HERPUD2: variants seen among roughly 807,000 people sequenced by gnomAD.
HERPUD2 encodes homocysteine-responsive endoplasmic reticulum-resident ubiquitin-like domain member 2 protein.
HERPUD2 carries 13 observed loss-of-function variants against 49.9 expected under a neutral mutation model. The ratio of observed to expected loss-of-function variants is 0.26; its 90% confidence interval spans 0.17 to 0.41. The LOEUF (loss-of-function observed/expected upper bound fraction) is 0.41. Ranked by LOEUF, HERPUD2 falls within the 10% of genes least tolerant of loss-of-function variation. HERPUD2 has a pLI of 1.00. For missense variants in HERPUD2, 449 were observed against 492.2 expected (o/e 0.91, Z 0.83); for synonymous variants, 172 against 171.4 (o/e 1.00, Z -0.03).
In HERPUD2 at chr7:35,633,637, T is replaced by G; in HGVS notation, c.*53A>C. 1 of 1,544,430 alleles carries G rather than the reference T, an allele frequency of 6.5e-7. No individual in the cohort carries two copies. Among genetic ancestry groups the G allele is most frequent in the Non-Finnish European group, 8.8e-7 (1 of 1,140,276 alleles). On this transcript the variant is annotated 3_prime_UTR_variant, in exon 9 of 9. Coordinates refer to ENST00000311350, the MANE Select transcript of HERPUD2 (RefSeq NM_022373.5). Reference sequence around the variant, plus strand: ...ATTTTTTTGAAATTGCACTGTTATTTAAACCACTTTCCTGAAGTCAGACCC... The same window carrying G: ...ATTTTTTTGAAATTGCACTGTTATTGAAACCACTTTCCTGAAGTCAGACCC...
intron 2 of HERPUD2, among the ~76,000 whole-genome samples, chr7:35,680,599 C>T (rs1785861131): frequency 6.6e-6 from 1 of 152,190 alleles, no homozygotes; most frequent in African/African-American, 2.4e-5. Context: ...CTGACATTCA[C>T]TTAGCTCCCA....
At chr7:35,644,088 G>A (rs1785010362) in intron 5 of HERPUD2, among the ~76,000 whole-genome samples, 1 of 151,816 alleles carries the variant, frequency 6.6e-6, no homozygotes, top group Admixed American at 6.6e-5. Context: ...AATTCATTAG[G>A]GACTAGGATG....
Position 35,660,511 on chromosome 7 carries a change from C to T in HERPUD2, c.494+6923G>A, listed in dbSNP as rs181019362. On this transcript the variant is annotated intron_variant, in intron 5 of 8. Transcript: ENST00000311350. ...TCCCACCAACAGTGTAAAAGCATTC[C>T]TATTTCTCCACATCCTCTCCAGCAC... Among the ~76,000 whole-genome samples, 73 of 152,318 alleles carry T rather than the reference C, an allele frequency of 4.8e-4. 1 individual carries two copies. In the East Asian group the frequency reaches 0.013, roughly 28 times the overall value.
chr7:35,651,403 C>A (rs953742904), intron 5 of HERPUD2, among the ~76,000 whole-genome samples: 4 of 152,108 alleles, frequency 2.6e-5, no homozygotes, highest in Non-Finnish European at 4.4e-5. Flanking sequence ...ACACCCCTGT[C>A]CCCAGCAAAA....
intron 5 of HERPUD2, among the ~76,000 whole-genome samples, chr7:35,650,745 C>T (rs565878345): frequency 3.9e-4 from 60 of 152,208 alleles, no homozygotes; most frequent in African/African-American, 1.2e-3. Context: ...CAAAGTGTAC[C>T]CCCCCACCAA....
At chr7:35,643,929 T>C (rs1209860976) in intron 5 of HERPUD2, among the ~76,000 whole-genome samples, 3 of 151,160 alleles carry the variant, frequency 2.0e-5, no homozygotes, top group Admixed American at 6.6e-5. Flanking sequence ...CTATCCCTAG[T>C]AGGGTAACTA....
chr7:35,677,428 C>T (rs1272486621), intron 2 of HERPUD2, among the ~76,000 whole-genome samples: 1 of 152,128 alleles, frequency 6.6e-6, no homozygotes, highest in Non-Finnish European at 1.5e-5. Flanking sequence ...TCATATTATT[C>T]TATTTATCTC....
At chr7:35,666,152 T>G (rs1431888243) in intron 5 of HERPUD2, among the ~76,000 whole-genome samples, 2 of 152,214 alleles carry the variant, frequency 1.3e-5, no homozygotes, top group Non-Finnish European at 2.9e-5. Context: ...TTCCATAATA[T>G]AAACCCTGAG....
intron 5 of HERPUD2, among the ~76,000 whole-genome samples, chr7:35,645,082 A>C (rs1174052790): frequency 6.6e-6 from 1 of 152,228 alleles, no homozygotes; most frequent in Non-Finnish European, 1.5e-5. Flanking sequence ...CTAGATGAAC[A>C]ATGGTAGTTT....
intron 2 of HERPUD2, among the ~76,000 whole-genome samples, chr7:35,675,886 C>T (rs570726090): frequency 1.3e-5 from 2 of 152,174 alleles, no homozygotes; most frequent in Non-Finnish European, 2.9e-5. Flanking sequence ...GTAATCCTCC[C>T]GCCTCAGCCT....
chr7:35,674,453 A>T (rs1785716517), intron 2 of HERPUD2, among the ~76,000 whole-genome samples: 1 of 119,314 alleles, frequency 8.4e-6, no homozygotes, highest in Admixed American at 9.3e-5. Flanking sequence ...AGAGAGAGAG[A>T]GAGAGAGAGA....
chr7:35,634,847 G>A (rs1784844674), intron 7 of HERPUD2, among the ~76,000 whole-genome samples: 1 of 152,164 alleles, frequency 6.6e-6, no homozygotes, highest in Non-Finnish European at 1.5e-5. Context: ...CCTTATGCAG[G>A]AGTGCATCAT....
chr7:35,642,382 A>G (rs137987849), intron 5 of HERPUD2, among the ~76,000 whole-genome samples: 12,395 of 152,238 alleles, frequency 0.081, 712 homozygotes, highest in South Asian at 0.21. Flanking sequence ...TAGTTCAACC[A>G]TTGTGGAAAG....
intron 5 of HERPUD2, among the ~76,000 whole-genome samples, chr7:35,665,840 T>G (rs1372298894): frequency 6.6e-6 from 1 of 152,264 alleles, no homozygotes; most frequent in Non-Finnish European, 1.5e-5. Flanking sequence ...AGAGAAATTA[T>G]TAATCTTTTA....
At position 35,686,736 on chromosome 7, in the gene HERPUD2, A is replaced by AC. The variant is rs1417101618; in HGVS notation, c.147+7447_147+7448insG. Among the ~76,000 whole-genome samples the AC allele has an allele frequency of 5.7e-5, 6 of 105,404 alleles. 1 individual carries two copies. The highest frequency in any genetic ancestry group is 2.0e-4 in the African/African-American group (5 of 24,752). 69.1% of individuals were successfully genotyped at this position (105,404 alleles called of 152,430 possible). ...TCCGTCTCAAAAAAAAAAAAAAAAA[A>AC]AAAAAAAAACCAAACCCATTTCCAG... On this transcript the variant is annotated intron_variant, in intron 2 of 8. Transcript: ENST00000311350.
rs1320497343 is a variant in HERPUD2 at position 35,694,311 on chromosome 7, T to G, written c.20A>C (p.Glu7Ala). Residue 7 changes from glutamate to alanine, a missense_variant, in exon 2 of 9, where the codon GAG (glutamate) becomes GCG (alanine). Transcript: ENST00000311350. ...TTTAATGATGAGGGTCACAGGAATC[T>G]CCATCCCACTTTGGTCCATGGTGCC... MDQSGM[E>A]IPVTLIIKAP... is the part of the protein sequence containing the mutation. 11 of 1,614,018 alleles carry G rather than the reference T, an allele frequency of 6.8e-6. No homozygotes were observed. Among genetic ancestry groups the G allele is most frequent in the Non-Finnish European group, 9.3e-6 (11 of 1,180,004 alleles).
intron 5 of HERPUD2, among the ~76,000 whole-genome samples, chr7:35,664,340 A>C (rs1253720655): frequency 6.6e-6 from 1 of 151,948 alleles, no homozygotes; most frequent in African/African-American, 2.4e-5. Flanking sequence ...CTTCATTTCA[A>C]CTTTGGTGAA....
intron 2 of HERPUD2, among the ~76,000 whole-genome samples, chr7:35,674,450 GA>G (rs1562682891): frequency 7.3e-5 from 9 of 123,728 alleles, no homozygotes; most frequent in African/African-American, 2.1e-4. Flanking sequence ...GAGAGAGAGA[GA>G]GAGAGAGAGA....
chr7:35,634,421 G>C lies in HERPUD2; in HGVS notation c.950C>G (p.Ala317Gly), dbSNP rs1418550458. The change falls in exon 8 of 9, where the codon GCT becomes GGT. Residue 317 changes from alanine to glycine, a missense_variant. Transcript: ENST00000311350. Reference protein sequence around the residue: ...GAMLLVYLHQAGWFPFRQEGG... With the variant: ...GAMLLVYLHQGGWFPFRQEGG... ...TTCTTGCCTAAAAGGAAACCATCCA[G>C]CTTGGTGTCTGTTCAGTAAAATAAA... The C allele has an allele frequency of 2.5e-6, 4 of 1,602,690 alleles. No individual in the cohort carries two copies. Among genetic ancestry groups the C allele is most frequent in the Non-Finnish European group, 3.4e-6 (4 of 1,169,816 alleles).
Sources: gnomAD v4.1 joint callset for allele counts (sites outside exome capture counted in the v4.1 genomes callset) on GRCh38, gnomAD v4.1.1 for gene constraint, MANE v1.5 for transcripts, NCBI Gene and HGNC (gene_info 2026-07-23, HGNC 2026-07-21) for gene names.